RPGR: variants seen among roughly 807,000 people sequenced by gnomAD.
RPGR encodes X-linked retinitis pigmentosa GTPase regulator.
RPGR carries 10 observed loss-of-function variants against 56.3 expected under a neutral mutation model. That is an observed-to-expected ratio of 0.18 (90% CI 0.11 to 0.30). The LOEUF (loss-of-function observed/expected upper bound fraction) is 0.30. Ranked by LOEUF, RPGR falls within the 10% of genes least tolerant of loss-of-function variation. RPGR has a pLI of 1.00. For missense variants in RPGR, 538 were observed against 590.9 expected (o/e 0.91, Z 0.93); for synonymous variants, 197 against 212.9 (o/e 0.93, Z 0.65).
intron 18 of RPGR, among the ~76,000 whole-genome samples, chrX:38,271,165 A>G (rs2066835797): frequency 8.9e-6 from 1 of 112,010 alleles, no homozygotes; most frequent in Non-Finnish European, 1.9e-5. Context: ...GGTGCTAATA[A>G]TAATAGCTTA....
At chrX:38,305,700 C>G (rs1047202387) in intron 7 of RPGR, among the ~76,000 whole-genome samples, 1 of 104,725 alleles carries the variant, frequency 9.5e-6, no homozygotes, top group Non-Finnish European at 2.0e-5. Context: ...GAGCCAAGAT[C>G]ACGCCACTGC....
rs1801686 is a variant in RPGR, at chrX:38,299,037, C to T, written c.1164G>A (p.Ala388=). 0.14 allele frequency: 171,189 copies of T among 1,209,105 alleles called. 9,112 individuals are homozygous for T. Among genetic ancestry groups the T allele is most frequent in the Non-Finnish European group, 0.16 (145,059 of 894,757 alleles). Residue 388 remains alanine (A), a synonymous_variant, in exon 10 of 19, where the codon GCG becomes GCA. Coordinates refer to ENST00000642395, the MANE Select transcript of RPGR (RefSeq NM_000328.3). ...TTAAACTGCTATACGGCAGAAAAGT[C>T]GCCACAGATAAGCAAGTATCATTTA...
At chrX:38,319,840 T>C (rs1469563859) in intron 4 of RPGR, among the ~76,000 whole-genome samples, 1 of 112,628 alleles carries the variant, frequency 8.9e-6, no homozygotes, top group East Asian at 2.8e-4. Context: ...AGTTATGTCA[T>C]AAATATATAA....
intron 17 of RPGR, chrX:38,274,953 A>C (rs1354820790): frequency 1.4e-5 from 7 of 508,091 alleles, no homozygotes; most frequent in African/African-American, 2.3e-5. Flanking sequence ...TGTTATGAGG[A>C]TCATGTGACA....
In RPGR at chrX:38,276,659, A is replaced by G. The variant is rs1569229857; in HGVS notation, c.2019T>C (p.Pro673=). The change falls in exon 16 of 19, where the codon CCT becomes CCC. Residue 673 remains proline (P), a synonymous_variant. Coordinates refer to ENST00000642395, the MANE Select transcript of RPGR (RefSeq NM_000328.3). The stretch of plus-strand genomic sequence containing the variant: ...CTTCTGTTTTACTGTGATAACCTGT[A>G]GGAACACTTTCATCATCTCCCACAG... The G allele has an allele frequency of 8.3e-7, 1 of 1,210,418 alleles. No individual in the cohort carries two copies.
chrX:38,310,608 CA>C lies in RPGR; in HGVS notation c.778+6del. On this transcript the variant is annotated splice_donor_region_variant and intron_variant, in intron 7 of 18. Coordinates refer to ENST00000642395, the MANE Select transcript of RPGR (RefSeq NM_000328.3). ...GCAGGGAACAGAACAGTGGACTCCA[CA>C]CATACCCGTGAGAACCACAGTATGC... is the stretch of plus-strand genomic sequence containing the variant. 2 of 1,210,839 alleles carry C rather than the reference CA, an allele frequency of 1.7e-6. No individual in the cohort carries two copies. The highest frequency in any genetic ancestry group is 2.2e-6 in the Non-Finnish European group (2 of 894,890).
At chrX:38,322,665 A>ATT in intron 3 of RPGR, among the ~76,000 whole-genome samples, 188 bp downstream of exon 3, 1 of 112,397 alleles carries the variant, frequency 8.9e-6, no homozygotes, top group Middle Eastern at 4.6e-3. Context: ...AATCAATCTG[A>ATT]TTTTTAGACC....
intron 6 of RPGR, among the ~76,000 whole-genome samples, chrX:38,315,175 CA>C (rs896878489): frequency 1.8e-5 from 2 of 110,319 alleles, no homozygotes; most frequent in African/African-American, 3.3e-5. Context: ...ATTAAAAATA[CA>C]AAAAAAATAG....
rs544307117 is a variant in RPGR at position 38,325,341 on chromosome X, A to G, written c.29-1817T>C. ...CCCTTGTGTGTTCTACTTTTCACAC[A>G]GAAAAGGTCCCCCTTACACACATGT... is the stretch of plus-strand genomic sequence containing the variant. On this transcript the variant is annotated intron_variant, in intron 1 of 18. Transcript: ENST00000642395. 4.5e-5 allele frequency among the ~76,000 whole-genome samples: 5 copies of G among 111,607 alleles called. 1 individual carries two copies. The highest frequency in any genetic ancestry group is 1.6e-4 in the African/African-American group (5 of 30,663).
chrX:38,288,070 T>C (rs751980695), intron 13 of RPGR, 29 bp from the exon 14 acceptor site: 4 of 1,131,459 alleles, frequency 3.5e-6, no homozygotes, highest in South Asian at 3.6e-5. Context: ...AATTATCATA[T>C]GTCATACTAC....
intron 11 of RPGR, among the ~76,000 whole-genome samples, chrX:38,296,809 T>C (rs774355179): frequency 4.5e-5 from 5 of 111,887 alleles, no homozygotes; most frequent in Non-Finnish European, 7.5e-5. Context: ...TTTAACTCCA[T>C]AGTCCATGCT....
chrX:38,315,674 C>T (rs2067807366), intron 6 of RPGR, among the ~76,000 whole-genome samples: 1 of 110,428 alleles, frequency 9.1e-6, no homozygotes, highest in Non-Finnish European at 1.9e-5. Flanking sequence ...AATAATTGTA[C>T]ATTTTAAAAT....
chrX:38,269,431 A>G lies in RPGR; in HGVS notation c.*195T>C. The G allele has an allele frequency of 2.6e-6, 1 of 383,802 alleles. No homozygotes were observed. The highest frequency in any genetic ancestry group is 5.3e-5 in the South Asian group (1 of 19,034). 31.6% of individuals were successfully genotyped at this position (383,802 alleles called of 1,213,427 possible). ...ACTTTAGGGAGAATTTGAGATACAC[A>G]TATTTTGAAATGACTTGTTAAAAAT... On this transcript the variant is annotated 3_prime_UTR_variant, in exon 19 of 19. Transcript: ENST00000642395.
At chrX:38,279,063 G>A (rs910253917) in intron 15 of RPGR, 2 of 253,260 alleles carry the variant, frequency 7.9e-6, no homozygotes, top group Non-Finnish European at 1.5e-5. Flanking sequence ...ATTAGAAAAT[G>A]ACATTTTCAC....
At chrX:38,282,469 C>T (rs1007228696) in intron 15 of RPGR, among the ~76,000 whole-genome samples, 2 of 111,791 alleles carry the variant, frequency 1.8e-5, no homozygotes, top group Admixed American at 1.9e-4. Context: ...TTAACTACAT[C>T]TATGAGCTGG....
At position 38,317,409 on chromosome X, in the gene RPGR, T is replaced by A; in HGVS notation, c.526A>T (p.Asn176Tyr). The change falls in exon 6 of 19, where the codon AAT becomes TAT. Residue 176 changes from asparagine to tyrosine, a missense_variant. By Grantham distance (143) the Asn-to-Tyr change is moderately radical. Transcript: ENST00000642395. ...TGAGGGACACAGACATTACTTACAT[T>A]TTTTAAACCAATTTGCCCTTCGGAA... 1 of 1,209,980 alleles carries A rather than the reference T, an allele frequency of 8.3e-7. No homozygotes were observed. Among genetic ancestry groups the A allele is most frequent in the Non-Finnish European group, 1.1e-6 (1 of 894,068 alleles).
chrX:38,283,505 C>A (rs1370458803), intron 15 of RPGR, among the ~76,000 whole-genome samples: 1 of 111,510 alleles, frequency 9.0e-6, no homozygotes, highest in African/African-American at 3.3e-5. Context: ...AAGAGACTAG[C>A]CCAAGTTCAG....
intron 7 of RPGR, among the ~76,000 whole-genome samples, chrX:38,306,305 A>T (rs1044767521): frequency 2.8e-4 from 31 of 112,247 alleles, no homozygotes; most frequent in African/African-American, 9.1e-4. Flanking sequence ...TATCTAACAG[A>T]GGTGCTGACA....
intron 7 of RPGR, among the ~76,000 whole-genome samples, chrX:38,305,142 G>A (rs2067572255): frequency 9.0e-6 from 1 of 111,653 alleles, no homozygotes; most frequent in African/African-American, 3.3e-5. Context: ...TTGGCCGGTC[G>A]CAACGGCTCA....
Sources: gnomAD v4.1 joint callset for allele counts (sites outside exome capture counted in the v4.1 genomes callset) on GRCh38, gnomAD v4.1.1 for gene constraint, MANE v1.5 for transcripts, NCBI Gene and HGNC (gene_info 2026-07-23, HGNC 2026-07-21) for gene names.